The following RSPH10B2 variants were observed in gnomAD, a reference collection of about 807,000 sequenced individuals.
RSPH10B2 encodes radial spoke head 10 homolog B2 (Chlamydomonas).
RSPH10B2 carries 9 observed loss-of-function variants against 49.0 expected under a neutral mutation model. The ratio of observed to expected loss-of-function variants is 0.18; its 90% CI spans 0.11 to 0.32. The LOEUF is 0.32. Among genes scored for constraint, RSPH10B2 ranks in the 10% least tolerant of loss-of-function variants. RSPH10B2 has a pLI of 1.00. For missense variants in RSPH10B2, 95 were observed against 589.9 expected, an observed-to-expected ratio of 0.16 and a Z score of 8.69; for synonymous variants, 35 against 210.2, an observed-to-expected ratio of 0.17 and a Z score of 7.21.
At chr7:6,766,845 G>C (rs1409984100) in exon 6 of RSPH10B2, 1 of 686,094 alleles carries the variant, frequency 1.5e-6, no homozygotes, top group East Asian at 2.9e-5. Context: ...CACCAACGAA[G>C]AGTACACCGG....
chr7:6,777,272 G>A (rs377185248), intron 10 of RSPH10B2, among the ~76,000 whole-genome samples: 5,486 of 21,030 alleles, frequency 0.26, 8 homozygotes, highest in South Asian at 0.31. Flanking sequence ...GGTTAGGCGT[G>A]TCTCGAACTC....
chr7:6,755,959 A>C (rs1224410911), upstream of RSPH10B2, among the ~76,000 whole-genome samples: 1 of 142,128 alleles, frequency 7.0e-6, no homozygotes, highest in Admixed American at 7.1e-5. Flanking sequence ...AAAAAAAACA[A>C]ACCCAAAAAA....
At chr7:6,781,497 T>C in intron 13 of RSPH10B2, 21 bp downstream of exon 15, 1 of 1,196,576 alleles carries the variant, frequency 8.4e-7, no homozygotes, top group South Asian at 2.3e-5. Context: ...AAGTTCGATA[T>C]TGGCTTTCTA....
At chr7:6,764,357 T>C (rs1446488901) in intron 4 of RSPH10B2, among the ~76,000 whole-genome samples, 2 of 150,268 alleles carry the variant, frequency 1.3e-5, no homozygotes, top group Non-Finnish European at 3.0e-5. Context: ...AAATTAACCA[T>C]TTTATTAATT....
At chr7:6,797,355 G>C (rs1316299742) in intron 18 of RSPH10B2, among the ~76,000 whole-genome samples, 1 of 150,642 alleles carries the variant, frequency 6.6e-6, no homozygotes, top group East Asian at 2.0e-4. Context: ...GGACTCTTTG[G>C]GGTAATGACT....
In RSPH10B2 at chr7:6,797,872, C is replaced by CACACACACACAAATAT. The variant is rs1554257900; in HGVS notation, c.2433-480_2433-479insAATATACACACACACA. 1.4e-4 allele frequency among the ~76,000 whole-genome samples: 13 copies of CACACACACACAAATAT among 96,002 alleles called. No homozygotes were observed. The South Asian group carries it at 6.1e-3, about 45-fold the overall frequency. 63.0% of individuals were successfully genotyped at this position (96,002 alleles called of 152,430 possible). A position where few individuals can be genotyped will look rare whatever the true frequency, so the allele number is the denominator to read the frequency against. On this transcript the variant is annotated intron_variant, in intron 18 of 18. Transcript: ENST00000297186. ...TATCTCAAAAAAAAAAAAATACACA[C>CACACACACACAAATAT]ACACACACACACACACGTAACTTTG...
At chr7:6,781,025 A>C in intron 12 of RSPH10B2, 137 bp downstream of exon 14, 4 of 1,077,798 alleles carry the variant, frequency 3.7e-6, no homozygotes, top group Admixed American at 7.3e-5. Flanking sequence ...ACCTGAGGTC[A>C]AGGAGTTCAA....
intron 17 of RSPH10B2, among the ~76,000 whole-genome samples, chr7:6,795,996 A>G (rs375133243): frequency 0.017 from 2,289 of 137,090 alleles, 3 homozygotes; most frequent in Non-Finnish European, 0.025. Flanking sequence ...GAAAATTAAA[A>G]TATCAGAAAA....
chr7:6,794,028 T>C (rs1782460639), intron 17 of RSPH10B2: 1 of 149,780 alleles, frequency 6.7e-6, no homozygotes, highest in Non-Finnish European at 1.5e-5. Flanking sequence ...GGGGGCTGTG[T>C]ACATGCTCAC....
chr7:6,791,526 C>A (rs1782329688), intron 16 of RSPH10B2, among the ~76,000 whole-genome samples: 1 of 143,674 alleles, frequency 7.0e-6, no homozygotes, highest in Non-Finnish European at 1.5e-5. Flanking sequence ...GGCAGGTCAC[C>A]TGAGGTCAGG....
At chr7:6,777,012 G>A (rs1781773739) in intron 10 of RSPH10B2, among the ~76,000 whole-genome samples, 1 of 105,562 alleles carries the variant, frequency 9.5e-6, no homozygotes, top group African/African-American at 3.6e-5. Flanking sequence ...TGGAAGGTGA[G>A]CAGTGGACAA....
In RSPH10B2 at chr7:6,759,243, C is replaced by T; in HGVS notation, c.330+84C>T. 4.6e-5 allele frequency: 4 copies of T among 87,430 alleles called. No homozygotes were observed. The South Asian group carries it at 1.0e-3, about 22-fold the overall frequency. The allele number at this position is 87,430 out of a possible 1,614,324, so 5.4% of individuals were successfully genotyped here. Reference sequence around the variant, plus strand: ...AGATTTGTAAATCTTCAGTAAAATCCACTGATGCTTCAAAAGAAATCGGAA... The same window carrying T: ...AGATTTGTAAATCTTCAGTAAAATCTACTGATGCTTCAAAAGAAATCGGAA... On this transcript the variant is annotated intron_variant, in intron 2 of 18. Coordinates refer to ENST00000297186, the Ensembl canonical transcript of RSPH10B2.
At chr7:6,766,722 A>G (rs1455404103) in intron 5 of RSPH10B2, 35 bp from the exon 8 acceptor site, 6 of 336,612 alleles carry the variant, frequency 1.8e-5, no homozygotes, top group Non-Finnish European at 3.2e-5. Flanking sequence ...TGTAGGAGGT[A>G]ACTGATTGTT....
chr7:6,786,328 G>A (rs1298283553), intron 14 of RSPH10B2, among the ~76,000 whole-genome samples: 2 of 108,104 alleles, frequency 1.9e-5, no homozygotes, highest in African/African-American at 3.9e-5. Flanking sequence ...GACTACAGGC[G>A]CCCGCCACCA....
intron 13 of RSPH10B2, among the ~76,000 whole-genome samples, chr7:6,782,316 C>G (rs1233327724): frequency 2.1e-4 from 30 of 140,892 alleles, no homozygotes; most frequent in African/African-American, 8.2e-4. Context: ...GAGGCCGAGG[C>G]AGGAGGATCA....
At chr7:6,794,243 C>T (rs1320979247) in intron 17 of RSPH10B2, 1 of 154,760 alleles carries the variant, frequency 6.5e-6, no homozygotes, top group Non-Finnish European at 1.4e-5. Flanking sequence ...AGCTTTTGCT[C>T]CACGTGGCAC....
At chr7:6,764,850 A>G (rs1781408584) in intron 4 of RSPH10B2, among the ~76,000 whole-genome samples, 2 of 116,152 alleles carry the variant, frequency 1.7e-5, no homozygotes, top group Non-Finnish European at 3.5e-5. Context: ...ATGAGAAAGA[A>G]GATAGAAAAA....
At chr7:6,792,771 TC>T (rs1318597047) in intron 17 of RSPH10B2, among the ~76,000 whole-genome samples, 1 of 119,032 alleles carries the variant, frequency 8.4e-6, no homozygotes, top group Non-Finnish European at 1.7e-5. Context: ...CCTTTTCTTT[TC>T]TTTTCTTTTT....
At chr7:6,786,281 C>T (rs1382913894) in intron 14 of RSPH10B2, among the ~76,000 whole-genome samples, 18 of 87,820 alleles carry the variant, frequency 2.0e-4, no homozygotes, top group African/African-American at 2.6e-4. Context: ...CTCCCGGGTT[C>T]ACGCCATTCT....
Sources: allele counts gnomAD v4.1 joint callset (sites outside exome capture counted in the v4.1 genomes callset), GRCh38; gene constraint gnomAD v4.1.1; transcripts MANE v1.5; gene names NCBI Gene and HGNC (gene_info 2026-07-23, HGNC 2026-07-21).